The following RANBP2 variants were observed in gnomAD, a reference collection of about 807,000 sequenced individuals.
The protein encoded by RANBP2 is E3 SUMO-protein ligase RanBP2.
A neutral mutation model predicts 303.6 loss-of-function variants in RANBP2; 57 were observed. That is an observed-to-expected ratio of 0.19 (90% CI 0.15 to 0.23). RANBP2 has a LOEUF of 0.23. RANBP2 is among the 10% of genes least tolerant of loss of function. The pLI, the probability that RANBP2 is intolerant of heterozygous loss-of-function variation, is 1.00. For missense variants in RANBP2, 3,138 were observed against 3,780.8 expected, an observed-to-expected ratio of 0.83 and a Z score of 4.46; for synonymous variants, 1,167 against 1,301.5, an observed-to-expected ratio of 0.90 and a Z score of 2.23.
chr2:109,269,179 G>T, the RANBP2 span, among the ~76,000 whole-genome samples: 17 of 152,196 alleles, frequency 1.1e-4, no homozygotes, highest in Non-Finnish European at 1.8e-4. Context: ...GGGACCACAG[G>T]CTGAGATTCC....
At position 108,766,535 on chromosome 2, in the gene RANBP2, A is replaced by T. The variant is rs749247854; in HGVS notation, c.5996A>T (p.Asp1999Val). The T allele has an allele frequency of 1.6e-5, 25 of 1,611,852 alleles. No individual in the cohort carries two copies. Among genetic ancestry groups the T allele is most frequent in the Non-Finnish European group, 1.9e-5 (23 of 1,179,846 alleles). The change falls in exon 20 of 29, where the codon GAT becomes GTT. Residue 1999 changes from aspartate to valine, a missense_variant. Physicochemically the swap from Asp to Val is radical, Grantham distance 152. Coordinates refer to ENST00000283195, the MANE Select transcript of RANBP2 (RefSeq NM_006267.5). ...KANTSGDFEKDDDAYKTEDSD... is the reference protein window; with the variant it reads ...KANTSGDFEKVDDAYKTEDSD... Reference sequence around the variant, plus strand: ...AACACTTCCGGTGACTTTGAGAAAGATGATGATGCCTATAAGACTGAGGAC... The same window carrying T: ...AACACTTCCGGTGACTTTGAGAAAGTTGATGATGCCTATAAGACTGAGGAC...
chr2:108,778,016 T>G (rs1678004047), intron 25 of RANBP2, among the ~76,000 whole-genome samples: 1 of 152,198 alleles, frequency 6.6e-6, no homozygotes, highest in South Asian at 2.1e-4. Context: ...GATGTGATGT[T>G]ATGTTGGAAT....
intron 28 of RANBP2, 42 bp from the exon 29 acceptor site, chr2:108,783,554 G>GA (rs1188555082): frequency 3.4e-6 from 5 of 1,478,048 alleles, no homozygotes; most frequent in Non-Finnish European, 3.7e-6. Context: ...CCTATTAATT[G>GA]AAAAAAATTT....
the RANBP2 span, among the ~76,000 whole-genome samples, chr2:108,880,227 A>AC: frequency 0.79 from 115,352 of 146,204 alleles, 45,434 homozygotes; most frequent in East Asian, 0.95. Flanking sequence ...AAACAAACAA[A>AC]AAAAAAAACG....
At chr2:109,142,050 G>GC in the RANBP2 span, among the ~76,000 whole-genome samples, 1 of 151,502 alleles carries the variant, frequency 6.6e-6, no homozygotes, top group Non-Finnish European at 1.5e-5. Flanking sequence ...TCCTGGGGGG[G>GC]GGGTCTCAGG....
chr2:108,820,743 A>T, the RANBP2 span, among the ~76,000 whole-genome samples: 1 of 151,076 alleles, frequency 6.6e-6, no homozygotes, highest in Non-Finnish European at 1.5e-5. Flanking sequence ...AACCAAGAGT[A>T]CTATATCCAG....
At chr2:109,525,829 G>A in the RANBP2 span, among the ~76,000 whole-genome samples, 7 of 152,252 alleles carry the variant, frequency 4.6e-5, no homozygotes, top group East Asian at 3.9e-4. Flanking sequence ...ATGTGGCTCC[G>A]AGTTTCCTCC....
chr2:109,610,728 G>C, the RANBP2 span, among the ~76,000 whole-genome samples: 1 of 152,072 alleles, frequency 6.6e-6, no homozygotes, highest in Non-Finnish European at 1.5e-5. Flanking sequence ...AAAAAAAAGA[G>C]AGAAATGAAG....
chr2:109,644,602 G>A, the RANBP2 span, among the ~76,000 whole-genome samples: 1 of 152,166 alleles, frequency 6.6e-6, no homozygotes, highest in South Asian at 2.1e-4. Context: ...AGAAAAGAAA[G>A]TGGGCTTTTG....
the RANBP2 span, among the ~76,000 whole-genome samples, chr2:108,989,824 G>GA: frequency 7.1e-4 from 107 of 151,662 alleles, no homozygotes; most frequent in African/African-American, 2.4e-3. Context: ...TTGGGGGGGG[G>GA]AAAACAGCCT....
the RANBP2 span, among the ~76,000 whole-genome samples, chr2:108,794,352 C>T: frequency 6.7e-6 from 1 of 149,874 alleles, no homozygotes; most frequent in Non-Finnish European, 1.5e-5. Context: ...CAATCAATTG[C>T]TGTATACCCT....
the RANBP2 span, among the ~76,000 whole-genome samples, chr2:109,653,580 G>A: frequency 5.3e-5 from 8 of 152,206 alleles, no homozygotes; most frequent in South Asian, 1.0e-3. Context: ...AGGGCTGGCC[G>A]AGGCTGCTGG....
At chr2:108,736,036 G>C in intron 5 of RANBP2, 68 bp from the exon 6 acceptor site, 1 of 1,611,262 alleles carries the variant, frequency 6.2e-7, no homozygotes, top group Non-Finnish European at 8.5e-7. Context: ...GGAATTTGTA[G>C]GCTTAAAATG....
chr2:109,135,816 C>G, the RANBP2 span, among the ~76,000 whole-genome samples: 1 of 152,076 alleles, frequency 6.6e-6, no homozygotes, highest in Non-Finnish European at 1.5e-5. Flanking sequence ...TAAATTTGCT[C>G]CAAGTTTATC....
At chr2:109,371,698 C>T in the RANBP2 span, 3 of 1,609,552 alleles carry the variant, frequency 1.9e-6, no homozygotes, top group Non-Finnish European at 2.5e-6. Flanking sequence ...CCGTGCCGCC[C>T]TCCCACACTT....
the RANBP2 span, among the ~76,000 whole-genome samples, chr2:109,692,681 A>T: frequency 1.2e-4 from 19 of 152,254 alleles, no homozygotes; most frequent in Middle Eastern, 3.4e-3. Flanking sequence ...TAAGTCAATC[A>T]TTTGGTTTCC....
chr2:109,643,800 G>A, the RANBP2 span, among the ~76,000 whole-genome samples: 1 of 149,648 alleles, frequency 6.7e-6, no homozygotes, highest in South Asian at 2.1e-4. Context: ...CCTGTTTCCT[G>A]AATGCTTGGG....
chr2:109,287,302 A>G, the RANBP2 span, among the ~76,000 whole-genome samples: 6 of 152,112 alleles, frequency 3.9e-5, no homozygotes, highest in African/African-American at 1.4e-4. Context: ...TGGATTCCTG[A>G]TGCCCTGGTG....
chr2:109,002,932 G>A, the RANBP2 span, among the ~76,000 whole-genome samples: 2 of 152,098 alleles, frequency 1.3e-5, no homozygotes, highest in African/African-American at 4.8e-5. Context: ...AAGTGGCTGG[G>A]CATGGTGGCT....
Sources: gnomAD v4.1 joint callset for allele counts (sites outside exome capture counted in the v4.1 genomes callset) on GRCh38, gnomAD v4.1.1 for gene constraint, MANE v1.5 for transcripts, NCBI Gene and HGNC (gene_info 2026-07-23, HGNC 2026-07-21) for gene names.